The following DAB1 variants were observed in gnomAD, a reference collection of about 807,000 sequenced individuals.
DAB1 encodes disabled homolog 1.
DAB1 carries 15 observed loss-of-function variants against 64.6 expected under a neutral mutation model. The ratio of observed to expected loss-of-function variants is 0.23; its 90% CI spans 0.16 to 0.36. The LOEUF (loss-of-function observed/expected upper bound fraction) is 0.36. Ranked by LOEUF, DAB1 falls within the 10% of genes least tolerant of loss-of-function variation. The pLI is 1.00. For synonymous variants in DAB1, 235 were observed against 251.9 expected, an observed-to-expected ratio of 0.93 and a Z score of 0.64; for missense variants, 596 against 706.7, an observed-to-expected ratio of 0.84 and a Z score of 1.78.
intron 1 of DAB1, among the ~76,000 whole-genome samples, chr1:57,828,540 T>C (rs1050901406): frequency 6.6e-6 from 1 of 152,140 alleles, no homozygotes; most frequent in African/African-American, 2.4e-5. Flanking sequence ...AGCCTGTTGA[T>C]TGAAATATTG....
intron 5 of DAB1, among the ~76,000 whole-genome samples, chr1:57,989,944 A>C (rs957476831): frequency 1.3e-5 from 2 of 152,146 alleles, no homozygotes; most frequent in African/African-American, 2.4e-5. Context: ...CAAAATTCAG[A>C]GTATTGGTTG....
chr1:57,362,845 T>C (rs1679666523), intron 1 of DAB1, among the ~76,000 whole-genome samples: 1 of 152,092 alleles, frequency 6.6e-6, no homozygotes, highest in South Asian at 2.1e-4. Flanking sequence ...ATGCATGCAC[T>C]ACACATACAA....
intron 3 of DAB1, among the ~76,000 whole-genome samples, chr1:58,369,855 T>C (rs191587048): frequency 2.7e-4 from 41 of 152,320 alleles, no homozygotes; most frequent in Admixed American, 2.7e-3. Flanking sequence ...CTTCAGTTAA[T>C]CAGAATTAAG....
chr1:58,153,131 C>A (rs546143011), intron 4 of DAB1, among the ~76,000 whole-genome samples: 1 of 152,254 alleles, frequency 6.6e-6, no homozygotes, highest in South Asian at 2.1e-4. Flanking sequence ...TTTGTCAAAC[C>A]CTACCTGTCC....
intron 5 of DAB1, among the ~76,000 whole-genome samples, chr1:58,047,497 T>C (rs941759433): frequency 9.2e-5 from 14 of 152,158 alleles, no homozygotes; most frequent in African/African-American, 3.4e-4. Flanking sequence ...GTGGGTGCAA[T>C]GAAGCCACCA....
chr1:57,085,408 C>T (rs994029544), intron 4 of DAB1, among the ~76,000 whole-genome samples: 12 of 152,330 alleles, frequency 7.9e-5, no homozygotes, highest in African/African-American at 2.6e-4. Context: ...GCATCAAATA[C>T]CTAGGCATTC....
intron 3 of DAB1, chr1:58,481,048 T>A: frequency 1.1e-6 from 1 of 872,096 alleles, no homozygotes; most frequent in Non-Finnish European, 2.0e-6. Flanking sequence ...ATTTTCTGTT[T>A]CTTCGTGATA....
chr1:57,384,057 C>A (rs1193801295), intron 1 of DAB1, among the ~76,000 whole-genome samples: 6 of 152,102 alleles, frequency 3.9e-5, no homozygotes, highest in Non-Finnish European at 5.9e-5. Context: ...AAGAACAAGA[C>A]AACCCAATTT....
chr1:57,019,334 G>GT (rs1363950803), intron 11 of DAB1, among the ~76,000 whole-genome samples: 1 of 151,982 alleles, frequency 6.6e-6, no homozygotes, highest in East Asian at 1.9e-4. Flanking sequence ...TTGGTGGCAG[G>GT]TTTTTTTTCC....
chr1:57,266,709 A>G (rs1427110890), intron 2 of DAB1, among the ~76,000 whole-genome samples: 1 of 152,246 alleles, frequency 6.6e-6, no homozygotes, highest in Non-Finnish European at 1.5e-5. Context: ...TTAATAAATT[A>G]ATGAAATGAA....
intron 3 of DAB1, among the ~76,000 whole-genome samples, chr1:58,432,108 G>A (rs776207706): frequency 2.0e-5 from 3 of 152,092 alleles, no homozygotes; most frequent in Non-Finnish European, 4.4e-5. Context: ...CTCATCCTTG[G>A]TTCCACCGGC....
chr1:58,010,194 A>G (rs1297190159), intron 5 of DAB1, among the ~76,000 whole-genome samples: 1 of 152,116 alleles, frequency 6.6e-6, no homozygotes, highest in East Asian at 1.9e-4. Flanking sequence ...TAATCCTCAT[A>G]ACGGCCCTAT....
At chr1:57,771,509 G>A (rs1649559059) in intron 6 of DAB1, among the ~76,000 whole-genome samples, 1 of 152,138 alleles carries the variant, frequency 6.6e-6, no homozygotes, top group African/African-American at 2.4e-5. Context: ...TTAAGTGTGA[G>A]TTAGAGAAGA....
chr1:58,476,305 A>AT (rs549483090), intron 3 of DAB1, among the ~76,000 whole-genome samples: 9 of 152,112 alleles, frequency 5.9e-5, no homozygotes, highest in Non-Finnish European at 8.8e-5. Flanking sequence ...GTCTTTGATG[A>AT]TATCAGAGAC....
chr1:57,352,894 T>C lies in DAB1; in HGVS notation c.-136-61728A>G, dbSNP rs571019007. 3.3e-5 allele frequency among the ~76,000 whole-genome samples: 5 copies of C among 152,040 alleles called. No individual in the cohort carries two copies. In the South Asian group the frequency reaches 1.0e-3, roughly 32 times the overall value. On this transcript the variant is annotated intron_variant, in intron 1 of 14. Coordinates refer to ENST00000371236, the MANE Select transcript of DAB1 (RefSeq NM_001365792.1). ...AAGATGAAGGCCTGAACAGAACAAA[T>C]AGACCAGCAGCCCCAAACAAGAGAG...
At chr1:58,455,254 A>T (rs943501667) in intron 3 of DAB1, among the ~76,000 whole-genome samples, 2 of 152,246 alleles carry the variant, frequency 1.3e-5, no homozygotes, top group African/African-American at 4.8e-5. Flanking sequence ...GCCCACTGGG[A>T]AAGCCCTGGG....
intron 7 of DAB1, among the ~76,000 whole-genome samples, chr1:57,561,708 T>C (rs2691457): frequency 0.96 from 146,409 of 152,232 alleles, 70,641 homozygotes; most frequent in East Asian, 1. Context: ...CCATGGTGGC[T>C]GGGATGGAGG....
At chr1:57,180,048 A>C (rs906929751) in intron 2 of DAB1, among the ~76,000 whole-genome samples, 56 of 152,188 alleles carry the variant, frequency 3.7e-4, no homozygotes, top group African/African-American at 1.4e-3. Context: ...CACTGTTTGC[A>C]TCCTGGCTCA....
At chr1:58,324,360 A>G (rs959829122) in intron 4 of DAB1, among the ~76,000 whole-genome samples, 1 of 152,210 alleles carries the variant, frequency 6.6e-6, no homozygotes, top group African/African-American at 2.4e-5. Flanking sequence ...ATTTGTATGA[A>G]TATCTTCGGG....
Sources: gnomAD v4.1 joint callset for allele counts (sites outside exome capture counted in the v4.1 genomes callset) on GRCh38, gnomAD v4.1.1 for gene constraint, MANE v1.5 for transcripts, NCBI Gene and HGNC (gene_info 2026-07-23, HGNC 2026-07-21) for gene names.